The following TOX variants were observed in gnomAD, a reference collection of about 807,000 sequenced individuals.
TOX encodes thymocyte selection-associated high mobility group box protein TOX.
In TOX, 11 loss-of-function variants were observed where a neutral mutation model predicts 53.7. That is an observed-to-expected ratio of 0.20 (90% confidence interval 0.13 to 0.34). TOX has a LOEUF of 0.34. Among genes scored for constraint, TOX ranks in the 10% least tolerant of loss-of-function variants. TOX has a pLI of 1.00. For missense variants in TOX, 570 were observed against 664.6 expected (o/e 0.86, Z 1.56); for synonymous variants, 225 against 245.3 (o/e 0.92, Z 0.77).
At chr8:58,808,029 GT>G in intron 8 of TOX, 88 bp downstream of exon 8, 3 of 1,509,492 alleles carry the variant, frequency 2.0e-6, no homozygotes, top group Admixed American at 4.2e-5. Flanking sequence ...CCCGGATCAT[GT>G]TTTTGGAAAC....
At chr8:58,865,974 A>G (rs1314852388) in intron 3 of TOX, among the ~76,000 whole-genome samples, 1 of 151,822 alleles carries the variant, frequency 6.6e-6, no homozygotes, top group Non-Finnish European at 1.5e-5. Context: ...AGCTGGGATT[A>G]CAGGCACCTG....
chr8:59,099,242 A>G (rs916305871), intron 1 of TOX, among the ~76,000 whole-genome samples: 2 of 152,180 alleles, frequency 1.3e-5, no homozygotes, highest in African/African-American at 4.8e-5. Context: ...CCCTCTTTTT[A>G]GAGAAGAGAA....
chr8:58,909,752 G>T (rs1423947085), intron 3 of TOX, among the ~76,000 whole-genome samples: 1 of 151,736 alleles, frequency 6.6e-6, no homozygotes, highest in Non-Finnish European at 1.5e-5. Flanking sequence ...CCACCTCCTG[G>T]GTTCAAGCGA....
At chr8:59,090,001 G>A (rs532537588) in intron 1 of TOX, among the ~76,000 whole-genome samples, 39 of 152,144 alleles carry the variant, frequency 2.6e-4, no homozygotes, top group African/African-American at 9.4e-4. Flanking sequence ...TCAGAACGTT[G>A]GCCACTGATG....
rs1358975047 is a variant in TOX at position 58,851,937 on chromosome 8, T to A, written c.412-132A>T. ...GATGTTCTGCTGAGTTACATACACA[T>A]TTATTTTATCTGGGGTAAAATAATC... On this transcript the variant is annotated intron_variant, in intron 3 of 8. Coordinates refer to ENST00000361421, the MANE Select transcript of TOX (RefSeq NM_014729.3). The surrounding 1 kb of genome is among the most constrained non-coding windows in gnomAD (Gnocchi z 4.4). 1.2e-6 allele frequency: 1 copy of A among 809,484 alleles called. No homozygotes were observed. Among genetic ancestry groups the A allele is most frequent in the African/African-American group, 1.8e-5 (1 of 55,936 alleles). The allele number at this position is 809,484 out of a possible 1,614,324, so 50.1% of individuals were successfully genotyped here.
chr8:59,017,240 TTCA>T lies in TOX; in HGVS notation c.103-57235_103-57233del, dbSNP rs531736633. ...ATCATACTGTAGCACTGTTTAGAAA[TTCA>T]TAATATTGTTTAAACATTCTATATG... On this transcript the variant is annotated intron_variant, in intron 1 of 8. Coordinates refer to ENST00000361421, the MANE Select transcript of TOX (RefSeq NM_014729.3). Among the ~76,000 whole-genome samples the T allele has an allele frequency of 9.2e-5, 14 of 152,364 alleles. No homozygotes were observed. The East Asian group carries it at 2.7e-3, about 29-fold the overall frequency.
At chr8:59,055,973 CTTTA>C (rs1365139877) in intron 1 of TOX, among the ~76,000 whole-genome samples, 1 of 152,068 alleles carries the variant, frequency 6.6e-6, no homozygotes, top group Non-Finnish European at 1.5e-5. Flanking sequence ...CCTAAAATAA[CTTTA>C]TTTAAAGTAA....
intron 1 of TOX, among the ~76,000 whole-genome samples, chr8:59,067,135 A>T: frequency 6.6e-6 from 1 of 152,216 alleles, no homozygotes; most frequent in Non-Finnish European, 1.5e-5. Flanking sequence ...CGGGGGGTTG[A>T]TATGCTACCA....
rs112156453 is a variant in TOX at position 59,091,514 on chromosome 8, C to A, written c.102+27372G>T. Reference sequence around the variant, plus strand: ...ATATGCTCTTCTTGGACAATATAGACAGACAGATCTAGTTGTTAGTCTTAG... The same window carrying A: ...ATATGCTCTTCTTGGACAATATAGAAAGACAGATCTAGTTGTTAGTCTTAG... On this transcript the variant is annotated intron_variant, in intron 1 of 8. Coordinates refer to ENST00000361421, the MANE Select transcript of TOX (RefSeq NM_014729.3). Among the ~76,000 whole-genome samples, 5 of 149,360 alleles carry A rather than the reference C, an allele frequency of 3.3e-5. 1 individual carries two copies. Among genetic ancestry groups the A allele is most frequent in the African/African-American group, 1.3e-4 (5 of 38,786 alleles).
At chr8:58,972,388 A>G (rs1022230955) in intron 1 of TOX, among the ~76,000 whole-genome samples, 8 of 152,190 alleles carry the variant, frequency 5.3e-5, no homozygotes, top group Admixed American at 5.2e-4. Flanking sequence ...AATATTACCC[A>G]GTCATAACAA....
At chr8:58,955,615 C>A (rs996277835) in intron 2 of TOX, among the ~76,000 whole-genome samples, 3 of 151,992 alleles carry the variant, frequency 2.0e-5, no homozygotes, top group Non-Finnish European at 2.9e-5. Flanking sequence ...ACCAGTCCTT[C>A]TTTATCTTTT....
chr8:59,020,349 A>T (rs530320223), intron 1 of TOX, among the ~76,000 whole-genome samples: 2 of 152,310 alleles, frequency 1.3e-5, no homozygotes, highest in South Asian at 2.1e-4. Context: ...TGTCATTTCC[A>T]TGATGTCCCA....
At chr8:58,948,724 T>C (rs1191442370) in intron 2 of TOX, among the ~76,000 whole-genome samples, 2 of 152,088 alleles carry the variant, frequency 1.3e-5, no homozygotes, top group African/African-American at 4.8e-5. Flanking sequence ...TTTTTAGTCA[T>C]CTAGACTTTT....
At chr8:58,895,308 G>C (rs886946256) in intron 3 of TOX, among the ~76,000 whole-genome samples, 1 of 152,076 alleles carries the variant, frequency 6.6e-6, no homozygotes, top group East Asian at 1.9e-4. Flanking sequence ...GTTTAAAAAA[G>C]ATTTAGAGGG....
chr8:58,832,724 A>C (rs1810483117), intron 5 of TOX, among the ~76,000 whole-genome samples: 1 of 152,226 alleles, frequency 6.6e-6, no homozygotes. Flanking sequence ...GGAAGAGGAC[A>C]CAGCAGCAGG....
At chr8:59,096,976 A>G (rs1417427565) in intron 1 of TOX, among the ~76,000 whole-genome samples, 2 of 152,206 alleles carry the variant, frequency 1.3e-5, no homozygotes, top group East Asian at 1.9e-4. Context: ...CATTGCTGGA[A>G]ACAGGATAGA....
At chr8:58,839,417 A>G (rs949267230) in intron 4 of TOX, among the ~76,000 whole-genome samples, 4 of 152,298 alleles carry the variant, frequency 2.6e-5, no homozygotes, top group Non-Finnish European at 5.9e-5. Flanking sequence ...AGTAGATTCT[A>G]TTTTCTCCCA....
In TOX at chr8:58,923,704, G is replaced by T. The variant is rs957336285; in HGVS notation, c.411+15598C>A. Among the ~76,000 whole-genome samples, 6 of 152,108 alleles carry T rather than the reference G, an allele frequency of 3.9e-5. No homozygotes were observed. The South Asian group carries it at 6.2e-4, about 16-fold the overall frequency. On this transcript the variant is annotated intron_variant, in intron 3 of 8. Transcript: ENST00000361421. ...CTCATTTGTTTTGCTAGACACTGGAGGGCAGGAACTATTTCCATATTAATT... is the reference window on the plus strand; with the variant it reads ...CTCATTTGTTTTGCTAGACACTGGATGGCAGGAACTATTTCCATATTAATT...
chr8:59,002,756 A>G (rs904544831), intron 1 of TOX, among the ~76,000 whole-genome samples: 1 of 152,226 alleles, frequency 6.6e-6, no homozygotes, highest in Non-Finnish European at 1.5e-5. Context: ...TAAATGGTCA[A>G]TAAGACAAAT....
Sources: allele counts gnomAD v4.1 joint callset (sites outside exome capture counted in the v4.1 genomes callset), GRCh38; gene constraint gnomAD v4.1.1; non-coding constraint Gnocchi (gnomAD v3.1); transcripts MANE v1.5; gene names NCBI Gene and HGNC (gene_info 2026-07-23, HGNC 2026-07-21).